The following ARHGEF18 variants were observed in gnomAD, a reference collection of about 807,000 sequenced individuals.
ARHGEF18 encodes rho guanine nucleotide exchange factor 18.
A neutral mutation model predicts 155.7 loss-of-function variants in ARHGEF18; 93 were observed. The ratio of observed to expected loss-of-function variants is 0.60; its 90% CI spans 0.50 to 0.71. The LOEUF (loss-of-function observed/expected upper bound fraction) is 0.71. Among genes scored for constraint, ARHGEF18 ranks in the 30% least tolerant of loss-of-function variants. ARHGEF18 has a pLI of 0.00. For synonymous variants in ARHGEF18, 742 were observed against 753.1 expected (o/e 0.99, Z 0.24); for missense variants, 1,593 against 1,816.1 (o/e 0.88, Z 2.23).
Position 7,464,617 on chromosome 19 carries a change from G to A in ARHGEF18, c.2831G>A (p.Gly944Asp). 1.9e-6 allele frequency: 3 copies of A among 1,613,898 alleles called. No homozygotes were observed. Among genetic ancestry groups the A allele is most frequent in the Non-Finnish European group, 2.5e-6 (3 of 1,179,954 alleles). The change falls in exon 23 of 29, where the codon GGC becomes GAC. Residue 944 changes from glycine (G) to aspartate (D), a missense_variant. By Grantham distance (94) the Gly-to-Asp change is moderately conservative. Transcript: ENST00000668164. ...STDPRPRDWR[G>D]PPNSPDLKLS... ...GACCCCAGGCCCCGAGACTGGCGAG[G>A]CCCCCCAAACAGCCCGGACTTGAAG...
At chr19:7,453,216 A>ACC (rs1975604685) in intron 16 of ARHGEF18, among the ~76,000 whole-genome samples, 1 of 148,650 alleles carries the variant, frequency 6.7e-6, no homozygotes, top group South Asian at 2.1e-4. Flanking sequence ...CCCCCCCCCA[A>ACC]AAAAAACCTA....
At chr19:7,383,586 T>G (rs940613219) in intron 10 of ARHGEF18, among the ~76,000 whole-genome samples, 5 of 152,108 alleles carry the variant, frequency 3.3e-5, no homozygotes, top group Non-Finnish European at 5.9e-5. Context: ...AAGCTTCATA[T>G]GAAGGTGCCA....
At chr19:7,459,663 C>T (rs1269960338) in intron 19 of ARHGEF18, among the ~76,000 whole-genome samples, 2 of 152,252 alleles carry the variant, frequency 1.3e-5, no homozygotes, top group African/African-American at 4.8e-5. Context: ...CCCCTGGACT[C>T]CTCCTCTAAG....
At chr19:7,478,410 G>A in the ARHGEF18 span, 1 of 1,589,720 alleles carries the variant, frequency 6.3e-7, no homozygotes, top group Non-Finnish European at 8.6e-7. Context: ...GGATGCCCCG[G>A]CGGGGAGCAG....
intron 1 of ARHGEF18, among the ~76,000 whole-genome samples, chr19:7,355,226 C>T (rs1274542672): frequency 6.6e-5 from 10 of 152,100 alleles, no homozygotes; most frequent in African/African-American, 2.4e-4. Context: ...CCCAAAAGCA[C>T]GTGCTCTCTA....
rs116448942 is a variant in ARHGEF18 at position 7,351,266 on chromosome 19, G to A, written c.-111+2025G>A. Reference sequence around the variant, plus strand: ...AAATGTTCTGGGTCATACCCATGGTGGATCTCAATCTGTAAGCAAGTCTGC... The same window carrying A: ...AAATGTTCTGGGTCATACCCATGGTAGATCTCAATCTGTAAGCAAGTCTGC... On this transcript the variant is annotated intron_variant, in intron 1 of 28. Transcript: ENST00000668164. Among the ~76,000 whole-genome samples, 709 of 152,328 alleles carry A rather than the reference G, an allele frequency of 4.7e-3. 9 individuals carry two copies. Among genetic ancestry groups the A allele is most frequent in the African/African-American group, 0.016 (646 of 41,574 alleles).
At chr19:7,442,146 CTT>C in intron 13 of ARHGEF18, 94 bp downstream of exon 13, 1 of 456,202 alleles carries the variant, frequency 2.2e-6, no homozygotes, top group South Asian at 5.2e-5. Context: ...TCCTTCCTTC[CTT>C]CCTTCCTTCC....
At chr19:7,473,311 C>T (rs773558493), downstream of ARHGEF18, 41 of 455,536 alleles carry the variant, frequency 9.0e-5, no homozygotes, top group South Asian at 5.0e-4. Flanking sequence ...GCACTGTCCA[C>T]CAGGAAGATG....
chr19:7,385,903 TCTCC>T (rs1971025706), intron 10 of ARHGEF18, among the ~76,000 whole-genome samples: 1 of 47,220 alleles, frequency 2.1e-5, no homozygotes, highest in Non-Finnish European at 3.2e-5. Context: ...TCCCTCTCTC[TCTCC>T]CTCTCTCCCT....
chr19:7,417,376 CTGTCTCTATTTG>C (rs1233401067), intron 10 of ARHGEF18, among the ~76,000 whole-genome samples: 8 of 152,100 alleles, frequency 5.3e-5, no homozygotes, highest in Admixed American at 3.3e-4. Context: ...TAGCAAGACC[CTGTCTCTATTTG>C]AAAATTATAC....
chr19:7,453,841 G>A, intron 17 of ARHGEF18, 126 bp downstream of exon 17: 1 of 1,282,862 alleles, frequency 7.8e-7, no homozygotes, highest in African/African-American at 1.5e-5. Flanking sequence ...ATCTTGGAGA[G>A]GTGGTCACCA....
chr19:7,353,909 G>C (rs946829880), intron 1 of ARHGEF18, among the ~76,000 whole-genome samples: 2 of 144,914 alleles, frequency 1.4e-5, no homozygotes, highest in African/African-American at 5.1e-5. Flanking sequence ...GCAGTGAGCT[G>C]AGATCAGCCA....
At position 7,432,592 on chromosome 19, in the gene ARHGEF18, C is replaced by T. The variant is rs185569615; in HGVS notation, c.968-7752C>T. 4.1e-4 allele frequency among the ~76,000 whole-genome samples: 63 copies of T among 152,324 alleles called. 1 individual carries two copies. The East Asian group carries it at 6.6e-3, about 16-fold the overall frequency. ...CTGGGCTCAAGGGATCCTCCTGCCT[C>T]AGCCTCCCAAAGTACTCAGATTACA... On this transcript the variant is annotated intron_variant, in intron 10 of 28. Transcript: ENST00000668164.
chr19:7,373,035 G>A lies in ARHGEF18; in HGVS notation c.239G>A (p.Trp80Ter). 1 of 1,234,426 alleles carries A rather than the reference G, an allele frequency of 8.1e-7. No individual in the cohort carries two copies. Among genetic ancestry groups the A allele is most frequent in the Non-Finnish European group, 1.0e-6 (1 of 988,210 alleles). 76.5% of individuals were successfully genotyped at this position (1,234,426 alleles called of 1,614,324 possible). The change falls in exon 3 of 29, where the codon TGG becomes TAG. Residue 80 changes from tryptophan (W) to a stop codon, truncating the protein, a stop_gained. Transcript: ENST00000668164. LOFTEE classifies it high-confidence loss of function. ...GSQDLSRRRSWERSRSCSESW... is the reference protein window; with the variant it reads ...GSQDLSRRRS Reference sequence around the variant, plus strand: ...CAAGACCTGTCAAGGCGGCGCAGCTGGGAAAGGTCGCGGAGCTGCTCAGAG... The same window carrying A: ...CAAGACCTGTCAAGGCGGCGCAGCTAGGAAAGGTCGCGGAGCTGCTCAGAG...
chr19:7,364,402 A>AAGGAAGGAAGGCAGGCAGGC (rs36151895), intron 2 of ARHGEF18, among the ~76,000 whole-genome samples: 17 of 129,758 alleles, frequency 1.3e-4, no homozygotes, highest in East Asian at 4.8e-4. Context: ...GGAAGGAAGG[A>AAGGAAGGAAGGCAGGCAGGC]AGGCAGGCTG....
chr19:7,423,916 A>T (rs1443096207), intron 10 of ARHGEF18, among the ~76,000 whole-genome samples: 3 of 152,018 alleles, frequency 2.0e-5, no homozygotes, highest in African/African-American at 4.8e-5. Flanking sequence ...GTAGAAGTGA[A>T]CCCAGAAGTG....
At chr19:7,357,088 G>A (rs1312880639) in intron 1 of ARHGEF18, among the ~76,000 whole-genome samples, 2 of 152,202 alleles carry the variant, frequency 1.3e-5, no homozygotes, top group African/African-American at 4.8e-5. Flanking sequence ...TGGGCTCAGA[G>A]AGGTTGAGCG....
At position 7,455,864 on chromosome 19, in the gene ARHGEF18, A is replaced by C. The variant is rs936755888; in HGVS notation, c.2105-463A>C. On this transcript the variant is annotated intron_variant, in intron 17 of 28. Coordinates refer to ENST00000668164, the MANE Select transcript of ARHGEF18 (RefSeq NM_001367823.1). ...AAACTCCCCCTTATAAAACTGTCAG[A>C]TCTTGTGAGACTCATTCACTATCAC... 2.0e-5 allele frequency among the ~76,000 whole-genome samples: 3 copies of C among 152,180 alleles called. No individual in the cohort carries two copies. The East Asian group carries it at 5.8e-4, about 29-fold the overall frequency.
chr19:7,380,694 G>GA lies in ARHGEF18; in HGVS notation c.645-215dup, dbSNP rs1242260005. Among the ~76,000 whole-genome samples the GA allele has an allele frequency of 4.4e-4, 67 of 151,134 alleles. 1 individual carries two copies. Among genetic ancestry groups the GA allele is most frequent in the Admixed American group, 3.4e-3 (52 of 15,180 alleles). ...GGGAGACGCCATCTCTATTAAAAAAGAAAAAAAACATCTTCCTGCTACACT... is the reference window on the plus strand; with the variant it reads ...GGGAGACGCCATCTCTATTAAAAAAGAAAAAAAAACATCTTCCTGCTACACT... On this transcript the variant is annotated intron_variant, in intron 7 of 28. Transcript: ENST00000668164.
Sources: allele counts gnomAD v4.1 joint callset (sites outside exome capture counted in the v4.1 genomes callset), GRCh38; gene constraint gnomAD v4.1.1; transcripts MANE v1.5; gene names NCBI Gene and HGNC (gene_info 2026-07-23, HGNC 2026-07-21).